The following PEAK1 variants were observed in gnomAD, a reference collection of about 807,000 sequenced individuals.
PEAK1 encodes the protein inactive tyrosine-protein kinase PEAK1.
Under a neutral mutation model 124.7 loss-of-function variants are expected in PEAK1, and 54 were observed. That is an observed-to-expected ratio of 0.43 (90% CI 0.35 to 0.54). PEAK1 has a LOEUF of 0.54. Among genes scored for constraint, PEAK1 ranks in the 20% least tolerant of loss-of-function variants. The pLI is 0.01. For missense variants in PEAK1, 2,046 were observed against 2,134.5 expected, an observed-to-expected ratio of 0.96 and a Z score of 0.82; for synonymous variants, 719 against 760.0, an observed-to-expected ratio of 0.95 and a Z score of 0.89.
At chr15:77,328,232 G>A (rs2065694054) in intron 2 of PEAK1, among the ~76,000 whole-genome samples, 1 of 152,130 alleles carries the variant, frequency 6.6e-6, no homozygotes, top group Non-Finnish European at 1.5e-5. Flanking sequence ...ATATAGTTGT[G>A]AGGATTAGAC....
intron 8 of PEAK1, among the ~76,000 whole-genome samples, chr15:77,139,836 T>G (rs2053632509): frequency 6.6e-6 from 1 of 151,768 alleles, no homozygotes; most frequent in Non-Finnish European, 1.5e-5. Context: ...ATAAATTGTG[T>G]CTATATGTAT....
chr15:77,384,604 G>C (rs1299012331), intron 1 of PEAK1, among the ~76,000 whole-genome samples: 1 of 152,160 alleles, frequency 6.6e-6, no homozygotes, highest in Non-Finnish European at 1.5e-5. Flanking sequence ...TGTGAGAGTG[G>C]TCCTTACTGT....
intron 7 of PEAK1, among the ~76,000 whole-genome samples, chr15:77,161,174 G>A (rs1028659124): frequency 6.6e-6 from 1 of 152,218 alleles, no homozygotes; most frequent in South Asian, 2.1e-4. Flanking sequence ...GCCTTCTCGA[G>A]TCTGTTAATC....
At chr15:77,392,372 A>G (rs2141932823) in intron 1 of PEAK1, among the ~76,000 whole-genome samples, 1 of 152,370 alleles carries the variant, frequency 6.6e-6, no homozygotes, top group East Asian at 1.9e-4. Context: ...AATAGAATAA[A>G]GTAAAATATA....
intron 6 of PEAK1, chr15:77,204,513 G>A (rs1017300123): frequency 6.5e-6 from 1 of 153,128 alleles, no homozygotes; most frequent in African/African-American, 2.4e-5. Context: ...GCTTCACAAA[G>A]GCTCTCATTG....
At chr15:77,333,731 C>T (rs943736154) in intron 2 of PEAK1, 11 of 963,092 alleles carry the variant, frequency 1.1e-5, no homozygotes, top group Non-Finnish European at 1.1e-5. Flanking sequence ...CACTATCATA[C>T]ATTAATCTGT....
At chr15:77,333,735 A>C in intron 2 of PEAK1, 1 of 960,358 alleles carries the variant, frequency 1.0e-6, no homozygotes, top group Non-Finnish European at 1.2e-6. Context: ...ATCATACATT[A>C]ATCTGTATTA....
chr15:77,101,890 A>T (rs1173772494), exon 7 of PEAK1: 1 of 152,160 alleles, frequency 6.6e-6, no homozygotes, highest in East Asian at 1.9e-4. Flanking sequence ...TTGCACCAAC[A>T]TTGACTGAAC....
At chr15:77,263,752 TTATGAGG>T (rs1470354651) in intron 5 of PEAK1, among the ~76,000 whole-genome samples, 2 of 152,196 alleles carry the variant, frequency 1.3e-5, no homozygotes, top group Non-Finnish European at 2.9e-5. Context: ...CTAACTCATT[TTATGAGG>T]CCAGCATCAT....
chr15:77,241,108 TG>T (rs2060337479), intron 6 of PEAK1, among the ~76,000 whole-genome samples: 1 of 152,242 alleles, frequency 6.6e-6, no homozygotes, highest in Non-Finnish European at 1.5e-5. Context: ...AAAATGTTCC[TG>T]TTGTATGTAA....
At chr15:77,318,288 T>C (rs1392474538) in intron 2 of PEAK1, among the ~76,000 whole-genome samples, 1 of 152,170 alleles carries the variant, frequency 6.6e-6, no homozygotes, top group East Asian at 1.9e-4. Flanking sequence ...GATGTTATGA[T>C]TGGGGGTAAC....
intron 7 of PEAK1, among the ~76,000 whole-genome samples, chr15:77,168,043 C>T (rs12911514): frequency 0.043 from 6,498 of 152,140 alleles, 185 homozygotes; most frequent in Middle Eastern, 0.095. Flanking sequence ...CAGCTTCATC[C>T]ATGTCTCTAC....
chr15:77,252,313 C>T (rs2060918915), intron 6 of PEAK1, 54 bp downstream of exon 6: 2 of 912,902 alleles, frequency 2.2e-6, no homozygotes, highest in South Asian at 5.0e-5. Context: ...AAATTCTTTC[C>T]AGTCATCTAA....
intron 2 of PEAK1, among the ~76,000 whole-genome samples, chr15:77,306,067 A>T (rs535683638): frequency 5.4e-4 from 83 of 152,324 alleles, no homozygotes; most frequent in African/African-American, 2.0e-3. Flanking sequence ...TATAAAACCC[A>T]AATTTTATAT....
At chr15:77,397,888 C>T (rs1297807763) in intron 1 of PEAK1, among the ~76,000 whole-genome samples, 1 of 151,738 alleles carries the variant, frequency 6.6e-6, no homozygotes, top group Non-Finnish European at 1.5e-5. Flanking sequence ...GGACAAACCC[C>T]GTCTCTACTA....
chr15:77,339,712 C>A (rs965370000), intron 2 of PEAK1, among the ~76,000 whole-genome samples: 1 of 152,094 alleles, frequency 6.6e-6, no homozygotes, highest in African/African-American at 2.4e-5. Context: ...AATGAAAAGA[C>A]AAGTCACATA....
intron 6 of PEAK1, among the ~76,000 whole-genome samples, chr15:77,189,804 T>G (rs1457823452): frequency 6.6e-6 from 1 of 152,138 alleles, no homozygotes; most frequent in East Asian, 1.9e-4. Flanking sequence ...GTTCCTCTTC[T>G]CCATTGCCCT....
At chr15:77,401,988 A>G (rs918962799) in intron 1 of PEAK1, 2 of 837,320 alleles carry the variant, frequency 2.4e-6, no homozygotes, top group African/African-American at 3.7e-5. Context: ...CACCTGAGGT[A>G]AGGAGTTCAA....
chr15:77,398,374 T>A (rs906176117), intron 1 of PEAK1, among the ~76,000 whole-genome samples: 1 of 152,162 alleles, frequency 6.6e-6, no homozygotes, highest in African/African-American at 2.4e-5. Flanking sequence ...AACAAAATAC[T>A]AGCAAACTGA....
Sources: allele counts gnomAD v4.1 joint callset (sites outside exome capture counted in the v4.1 genomes callset), GRCh38; gene constraint gnomAD v4.1.1; transcripts MANE v1.5; gene names NCBI Gene and HGNC (gene_info 2026-07-23, HGNC 2026-07-21).